Variants in SZRD1 observed in about 807,000 individuals in gnomAD.
The protein encoded by SZRD1 is SUZ RNA binding domain containing 1.
In SZRD1, 7 loss-of-function variants were observed where a neutral mutation model predicts 17.6. The observed-to-expected ratio is 0.40, with a 90% CI of 0.23 to 0.75. The LOEUF is 0.75. Among genes scored for constraint, SZRD1 ranks in the 30% least tolerant of loss-of-function variants. The pLI is 0.38. For synonymous variants in SZRD1, 77 were observed against 77.9 expected, an observed-to-expected ratio of 0.99 and a Z score of 0.06; for missense variants, 178 against 201.8, an observed-to-expected ratio of 0.88 and a Z score of 0.71.
At chr1:16,377,378 T>G (rs1570008972) in intron 1 of SZRD1, among the ~76,000 whole-genome samples, 1 of 151,500 alleles carries the variant, frequency 6.6e-6, no homozygotes, top group Non-Finnish European at 1.5e-5. Context: ...AGGTCAAGAG[T>G]TCAAGACCAG....
At chr1:16,369,902 A>C (rs1030367695) in intron 1 of SZRD1, among the ~76,000 whole-genome samples, 2 of 151,636 alleles carry the variant, frequency 1.3e-5, no homozygotes, top group African/African-American at 2.4e-5. Context: ...AAAAAAACAA[A>C]AAAAAAAAAC....
At chr1:16,381,203 G>A (rs905815420) in intron 1 of SZRD1, among the ~76,000 whole-genome samples, 2 of 151,964 alleles carry the variant, frequency 1.3e-5, no homozygotes, top group African/African-American at 4.8e-5. Flanking sequence ...GCAGTGAGCT[G>A]TGATTGTACC....
chr1:16,397,857 G>A lies in SZRD1; in HGVS notation c.*2717G>A. 2 of 323,640 alleles carry A rather than the reference G, an allele frequency of 6.2e-6. No homozygotes were observed. Among genetic ancestry groups the A allele is most frequent in the Non-Finnish European group, 8.9e-6 (2 of 224,842 alleles). The allele number at this position is 323,640 out of a possible 1,614,324, so 20.0% of individuals were successfully genotyped here. ...ACCCTGCTCTGCCCCATCTGGGGGT[G>A]CCCTGCTCAGGGATGGGCTGGCAGG... On this transcript the variant is annotated 3_prime_UTR_variant, in exon 4 of 4. Transcript: ENST00000401088. The surrounding 1 kb of genome is among the most constrained non-coding windows in gnomAD (Gnocchi z 5.4).
chr1:16,397,516 C>T lies in SZRD1; in HGVS notation c.*2376C>T, dbSNP rs1469846489. The T allele has an allele frequency of 6.6e-6, 1 of 151,830 alleles. No homozygotes were observed. Among genetic ancestry groups the T allele is most frequent in the African/African-American group, 2.4e-5 (1 of 41,386 alleles). The allele number at this position is 151,830 out of a possible 1,614,324, so 9.4% of individuals were successfully genotyped here. On this transcript the variant is annotated 3_prime_UTR_variant, in exon 4 of 4. Transcript: ENST00000401088. The surrounding 1 kb of genome is among the most constrained non-coding windows in gnomAD (Gnocchi z 5.4). ...AGTTGCAGGCTTTGGCTTGGAAAACCCCAGGGGGATGGGGGGCAGAAACCT... is the reference window on the plus strand; with the variant it reads ...AGTTGCAGGCTTTGGCTTGGAAAACTCCAGGGGGATGGGGGGCAGAAACCT...
chr1:16,373,748 C>A (rs887277033), intron 1 of SZRD1, among the ~76,000 whole-genome samples: 1 of 152,030 alleles, frequency 6.6e-6, no homozygotes, highest in African/African-American at 2.4e-5. Context: ...GGACTACAGG[C>A]ATGCGCCACC....
rs1162738518 is a variant in SZRD1, at chr1:16,395,331, C to G, written c.*191C>G. 6.4e-6 allele frequency: 4 copies of G among 629,082 alleles called. No homozygotes were observed. In the East Asian group the frequency reaches 8.5e-5, roughly 13 times the overall value. The allele number at this position is 629,082 out of a possible 1,614,324, so 39.0% of individuals were successfully genotyped here. On this transcript the variant is annotated 3_prime_UTR_variant, in exon 4 of 4. Transcript: ENST00000401088. ...GCACTGTGACCTCCCCCCTTCTCCCCCTTCCCACTGTGATTGGCACATCGA... is the reference window on the plus strand; with the variant it reads ...GCACTGTGACCTCCCCCCTTCTCCCGCTTCCCACTGTGATTGGCACATCGA...
intron 1 of SZRD1, among the ~76,000 whole-genome samples, chr1:16,375,012 G>A (rs538122271): frequency 1.8e-3 from 275 of 152,040 alleles, no homozygotes; most frequent in African/African-American, 6.4e-3. Context: ...CAAGTAGCTG[G>A]GATTACAGGT....
Position 16,393,520 on chromosome 1 carries a change from C to T in SZRD1, c.356+38C>T, listed in dbSNP as rs748875943. ...GGCAGGGCCGGCCAGTGATGGCTGT[C>T]CCAGTCCACCCGGGAAGAGGAGAGC... On this transcript the variant is annotated intron_variant, in intron 3 of 3. Coordinates refer to ENST00000401088, the MANE Select transcript of SZRD1 (RefSeq NM_001114600.3). The surrounding 1 kb of genome is among the most constrained non-coding windows in gnomAD (Gnocchi z 5.6). 5 of 1,567,820 alleles carry T rather than the reference C, an allele frequency of 3.2e-6. No individual in the cohort carries two copies. Among genetic ancestry groups the T allele is most frequent in the East Asian group, 2.4e-5 (1 of 42,324 alleles).
At chr1:16,385,769 C>T (rs2083178459) in intron 1 of SZRD1, among the ~76,000 whole-genome samples, 1 of 152,180 alleles carries the variant, frequency 6.6e-6, no homozygotes, top group South Asian at 2.1e-4. Context: ...GCCAGAGGCA[C>T]ATTTATAGCA....
At chr1:16,384,910 C>T (rs1230213428) in intron 1 of SZRD1, among the ~76,000 whole-genome samples, 1 of 151,916 alleles carries the variant, frequency 6.6e-6, no homozygotes, top group Non-Finnish European at 1.5e-5. Context: ...ACCAGAGGAC[C>T]CTGTGGGGCA....
chr1:16,384,152 T>G (rs1444347842), intron 1 of SZRD1, among the ~76,000 whole-genome samples: 1 of 152,166 alleles, frequency 6.6e-6, no homozygotes, highest in African/African-American at 2.4e-5. Flanking sequence ...ACACTGTCAC[T>G]GCTATGCTAC....
intron 1 of SZRD1, chr1:16,387,294 C>T (rs146508154): frequency 5.5e-5 from 25 of 456,452 alleles, no homozygotes; most frequent in African/African-American, 4.4e-4. Flanking sequence ...GTCCATCTTC[C>T]TTAAACCCTA....
intron 1 of SZRD1, among the ~76,000 whole-genome samples, chr1:16,385,871 G>A (rs2083179879): frequency 6.6e-6 from 1 of 152,170 alleles, no homozygotes; most frequent in Non-Finnish European, 1.5e-5. Context: ...TTCACCTTGT[G>A]GTTGTGGCTC....
chr1:16,375,504 G>A (rs1377410760), intron 1 of SZRD1, among the ~76,000 whole-genome samples: 1 of 151,832 alleles, frequency 6.6e-6, no homozygotes, highest in African/African-American at 2.4e-5. Context: ...TAGTAGAGAC[G>A]GGTTCACCAT....
intron 1 of SZRD1, among the ~76,000 whole-genome samples, chr1:16,390,922 G>A (rs2085212679): frequency 1.3e-5 from 2 of 152,098 alleles, no homozygotes; most frequent in African/African-American, 4.8e-5. Flanking sequence ...GAAGGTATGG[G>A]TGAGGCATGC....
rs1352442313 is a variant in SZRD1 at position 16,393,534 on chromosome 1, G to A, written c.356+52G>A. Reference sequence around the variant, plus strand: ...GTGATGGCTGTCCCAGTCCACCCGGGAAGAGGAGAGCATCCTGGCTGCGTG... The same window carrying A: ...GTGATGGCTGTCCCAGTCCACCCGGAAAGAGGAGAGCATCCTGGCTGCGTG... On this transcript the variant is annotated intron_variant, in intron 3 of 3. Transcript: ENST00000401088. This position sits in a 1 kb window ranked among gnomAD's most constrained non-coding sequence, Gnocchi z 5.6. 6.5e-7 allele frequency: 1 copy of A among 1,544,510 alleles called. No homozygotes were observed. Among genetic ancestry groups the A allele is most frequent in the Non-Finnish European group, 8.7e-7 (1 of 1,145,168 alleles).
At chr1:16,387,143 A>G (rs904753668) in intron 1 of SZRD1, 2 of 370,402 alleles carry the variant, frequency 5.4e-6, no homozygotes, top group African/African-American at 2.1e-5. Context: ...TTTAAAAGCT[A>G]TTAGTATTAT....
At chr1:16,394,119 CTCCT>C (rs1456781277) in intron 3 of SZRD1, among the ~76,000 whole-genome samples, 1 of 152,138 alleles carries the variant, frequency 6.6e-6, no homozygotes, top group Non-Finnish European at 1.5e-5. Context: ...TTAAGATGGC[CTCCT>C]TCTAACTTTG....
Position 16,395,180 on chromosome 1 carries a change from G to A in SZRD1, c.*40G>A, listed in dbSNP as rs1272678372. ...AGATGCCGCCGTTGCTGCCGTCACCGCCTCCTGGGTCGTCCGCCACGGGTT... is the reference window on the plus strand; with the variant it reads ...AGATGCCGCCGTTGCTGCCGTCACCACCTCCTGGGTCGTCCGCCACGGGTT... On this transcript the variant is annotated 3_prime_UTR_variant, in exon 4 of 4. Coordinates refer to ENST00000401088, the MANE Select transcript of SZRD1 (RefSeq NM_001114600.3). 1.9e-5 allele frequency: 28 copies of A among 1,465,432 alleles called. No homozygotes were observed. Among genetic ancestry groups the A allele is most frequent in the African/African-American group, 4.2e-5 (3 of 72,222 alleles). The allele number at this position is 1,465,432 out of a possible 1,614,324, so 90.8% of individuals were successfully genotyped here. A position where few individuals can be genotyped will look rare whatever the true frequency, so the allele number is the denominator to read the frequency against.
Sources: allele counts gnomAD v4.1 joint callset (sites outside exome capture counted in the v4.1 genomes callset), GRCh38; gene constraint gnomAD v4.1.1; non-coding constraint Gnocchi (gnomAD v3.1); transcripts MANE v1.5; gene names NCBI Gene and HGNC (gene_info 2026-07-23, HGNC 2026-07-21).